MTA1: variants seen among roughly 807,000 people sequenced by gnomAD.
MTA1 encodes metastasis associated 1.
MTA1 carries 15 observed loss-of-function variants against 97.0 expected under a neutral mutation model. The ratio of observed to expected loss-of-function variants is 0.15; its 90% CI spans 0.10 to 0.24. The LOEUF (loss-of-function observed/expected upper bound fraction) is 0.24, where lower values mean the gene tolerates loss of function less well. Among genes scored for constraint, MTA1 ranks in the 10% least tolerant of loss-of-function variants. The pLI is 1.00. For synonymous variants in MTA1, 435 were observed against 417.5 expected (o/e 1.04, Z -0.51); for missense variants, 709 against 1,015.1 (o/e 0.70, Z 4.10).
intron 3 of MTA1, among the ~76,000 whole-genome samples, chr14:105,446,444 C>A (rs1555427194): frequency 6.6e-6 from 1 of 152,198 alleles, no homozygotes; most frequent in Non-Finnish European, 1.5e-5. Flanking sequence ...CTCCCACGAC[C>A]CCTAATGGGG....
intron 1 of MTA1, among the ~76,000 whole-genome samples, chr14:105,426,498 C>G (rs1281304654): frequency 6.6e-6 from 1 of 152,154 alleles, no homozygotes; most frequent in Non-Finnish European, 1.5e-5. Flanking sequence ...AGCAAGGGCG[C>G]AGCGCACGTG....
rs142944586 is a variant in MTA1 at position 105,426,895 on chromosome 14, G to T, written c.28+6832G>T. ...GAGCAGGGGTGCTGGGGGCTTTCCT[G>T]ACCACTGTTGCTGTTTCTCTTGACT... On this transcript the variant is annotated intron_variant, in intron 1 of 20. Transcript: ENST00000331320. Among the ~76,000 whole-genome samples the T allele has an allele frequency of 3.9e-5, 6 of 152,326 alleles. No individual in the cohort carries two copies. The East Asian group carries it at 1.2e-3, about 29-fold the overall frequency.
intron 7 of MTA1, 34 bp from the exon 8 acceptor site, chr14:105,458,236 C>A (rs781885384): frequency 6.3e-7 from 1 of 1,592,232 alleles, no homozygotes; most frequent in East Asian, 2.2e-5. Flanking sequence ...GCCGTGGGAC[C>A]CCGTCTCAGA....
At chr14:105,441,190 C>T (rs930119410) in intron 2 of MTA1, among the ~76,000 whole-genome samples, 2 of 152,208 alleles carry the variant, frequency 1.3e-5, no homozygotes, top group African/African-American at 2.4e-5. Flanking sequence ...GGGCACCAGA[C>T]CCAGGCCAGC....
chr14:105,423,583 AT>A (rs1300060582), intron 1 of MTA1, among the ~76,000 whole-genome samples: 2 of 151,410 alleles, frequency 1.3e-5, no homozygotes, highest in Non-Finnish European at 3.0e-5. Context: ...AAAAAAAAAA[AT>A]TTTAATGTAG....
chr14:105,458,108 T>C (rs1316720036), intron 7 of MTA1, among the ~76,000 whole-genome samples, 162 bp from the exon 8 acceptor site: 1 of 152,040 alleles, frequency 6.6e-6, no homozygotes, highest in African/African-American at 2.4e-5. Flanking sequence ...TGTGCCTGTG[T>C]GTGCAACAGC....
In MTA1 at chr14:105,466,773, G is replaced by A. The variant is rs373779608; in HGVS notation, c.1813+31G>A. 9.5e-5 allele frequency: 148 copies of A among 1,554,256 alleles called. 1 individual carries two copies. Among genetic ancestry groups the A allele is most frequent in the Non-Finnish European group, 1.2e-4 (137 of 1,150,546 alleles). Reference sequence around the variant, plus strand: ...GCCTGGAGCCGCGGGCGGGCGCTGCGCCGGCCCCGCCCGTGATGCCTGTGC... The same window carrying A: ...GCCTGGAGCCGCGGGCGGGCGCTGCACCGGCCCCGCCCGTGATGCCTGTGC... On this transcript the variant is annotated intron_variant, in intron 18 of 20. Coordinates refer to ENST00000331320, the MANE Select transcript of MTA1 (RefSeq NM_004689.4).
rs782441642 is a variant in MTA1 at position 105,445,481 on chromosome 14, A to T, written c.160A>T (p.Thr54Ser). The change falls in exon 3 of 21, where the codon ACC (threonine) becomes TCC (serine). Residue 54 changes from threonine (T) to serine (S), a missense_variant. Physicochemically the swap from Thr to Ser is moderately conservative, Grantham distance 58 (BLOSUM62 1). Around this residue, in one of 2 missense-constraint regions of MTA1, gnomAD observed 321 missense variants for 593.5 expected, o/e 0.54. Coordinates refer to ENST00000331320, the MANE Select transcript of MTA1 (RefSeq NM_004689.4). ...CFYRRRDISSTLIALADKHAT... is the reference protein window; with the variant it reads ...CFYRRRDISSSLIALADKHAT... ...CTACCGGAGGCGGGACATCTCCAGC[A>T]CCCTCATCGCCCTGGCCGACAAGCA... 1.2e-5 allele frequency: 19 copies of T among 1,613,390 alleles called. No homozygotes were observed. Among genetic ancestry groups the T allele is most frequent in the Non-Finnish European group, 1.5e-5 (18 of 1,179,926 alleles).
chr14:105,451,783 G>GTTTTTTTTTTTTTTTTTTTTTTT (rs869240296), intron 6 of MTA1, among the ~76,000 whole-genome samples: 1 of 31,378 alleles, frequency 3.2e-5, no homozygotes, highest in African/African-American at 6.9e-5. Flanking sequence ...TTCTTTTTTT[G>GTTTTTTTTTTTTTTTTTTTTTTT]TTTTTTTTTT....
intron 16 of MTA1, 22 bp from the exon 17 acceptor site, chr14:105,466,404 C>A: frequency 6.3e-7 from 1 of 1,592,282 alleles, no homozygotes; most frequent in Admixed American, 1.7e-5. Flanking sequence ...GCAACTCGTT[C>A]TGCCTGTGTC....
At chr14:105,457,934 T>A (rs1041111557) in intron 7 of MTA1, among the ~76,000 whole-genome samples, 6 of 150,276 alleles carry the variant, frequency 4.0e-5, no homozygotes, top group Admixed American at 1.3e-4. Flanking sequence ...CAAAAAATAA[T>A]AATAATAATA....
At position 105,424,076 on chromosome 14, in the gene MTA1, TC is replaced by T; in HGVS notation, c.28+4016del. On this transcript the variant is annotated intron_variant, in intron 1 of 20. Transcript: ENST00000331320. This position sits in a 1 kb window ranked among gnomAD's most constrained non-coding sequence, Gnocchi z 4.0. Reference sequence around the variant, plus strand: ...TCCTGGAGGGGATGGCATGGGGCTGTCCCACTTGGCCTGTGAGGATCGGCCT... The same window carrying T: ...TCCTGGAGGGGATGGCATGGGGCTGTCCACTTGGCCTGTGAGGATCGGCCT... Among the ~76,000 whole-genome samples, 2 of 152,350 alleles carry T rather than the reference TC, an allele frequency of 1.3e-5. No homozygotes were observed. The highest frequency in any genetic ancestry group is 1.5e-5 in the Non-Finnish European group (1 of 68,034).
chr14:105,433,651 G>A (rs987375350), intron 1 of MTA1, among the ~76,000 whole-genome samples: 18 of 152,168 alleles, frequency 1.2e-4, no homozygotes, highest in Non-Finnish European at 2.4e-4. Context: ...GTACCTGTGT[G>A]GAAAGACAGT....
rs1372136787 is a variant in MTA1, at chr14:105,460,543, C to T, written c.753+86C>T. 5.1e-6 allele frequency: 7 copies of T among 1,359,382 alleles called. No individual in the cohort carries two copies. The Admixed American group carries it at 1.7e-4, about 33-fold the overall frequency. The allele number at this position is 1,359,382 out of a possible 1,614,324, so 84.2% of individuals were successfully genotyped here. On this transcript the variant is annotated intron_variant, in intron 9 of 20. Transcript: ENST00000331320. ...CGCCCTTCTTCCTACCAGGGCCCAGCACCTGCCCCAGGTATTCAGGACCCC... is the reference window on the plus strand; with the variant it reads ...CGCCCTTCTTCCTACCAGGGCCCAGTACCTGCCCCAGGTATTCAGGACCCC...
chr14:105,469,516 T>C lies in MTA1; in HGVS notation c.1845+18T>C. On this transcript the variant is annotated intron_variant, in intron 19 of 20. Transcript: ENST00000331320. ...GGCACATGGTAAGAGGAACAACCCATGATGGGGTACGGTGCGCTCACCCAT... is the reference window on the plus strand; with the variant it reads ...GGCACATGGTAAGAGGAACAACCCACGATGGGGTACGGTGCGCTCACCCAT... The C allele has an allele frequency of 6.2e-7, 1 of 1,612,074 alleles. No homozygotes were observed. Among genetic ancestry groups the C allele is most frequent in the Non-Finnish European group, 8.5e-7 (1 of 1,179,256 alleles).
At position 105,462,830 on chromosome 14, in the gene MTA1, C is replaced by T. The variant is rs190338584; in HGVS notation, c.943-354C>T. Among the ~76,000 whole-genome samples, 29 of 152,334 alleles carry T rather than the reference C, an allele frequency of 1.9e-4. No individual in the cohort carries two copies. The East Asian group carries it at 5.0e-3, about 26-fold the overall frequency. On this transcript the variant is annotated intron_variant, in intron 10 of 20. Coordinates refer to ENST00000331320, the MANE Select transcript of MTA1 (RefSeq NM_004689.4). Reference sequence around the variant, plus strand: ...GTTGCAGCGAGCCGAGATTGTACTACTGCACTCCAGCCTGGGTGACAGAGC... The same window carrying T: ...GTTGCAGCGAGCCGAGATTGTACTATTGCACTCCAGCCTGGGTGACAGAGC...
In MTA1 at chr14:105,420,911, C is replaced by G. The variant is rs1555420729; in HGVS notation, c.28+848C>G. 3.9e-5 allele frequency among the ~76,000 whole-genome samples: 6 copies of G among 152,204 alleles called. No homozygotes were observed. The highest frequency in any genetic ancestry group is 1.5e-5 in the Non-Finnish European group (1 of 68,022). On this transcript the variant is annotated intron_variant, in intron 1 of 20. Coordinates refer to ENST00000331320, the MANE Select transcript of MTA1 (RefSeq NM_004689.4). The surrounding 1 kb of genome is among the most constrained non-coding windows in gnomAD (Gnocchi z 5.3). ...CCCAGGACTCTGAGACCCCTCCCTG[C>G]CTGTGACCCTCTCGGGCAGGTGCTC...
chr14:105,454,146 C>T, intron 6 of MTA1, 47 bp from the exon 7 acceptor site: 2 of 1,467,788 alleles, frequency 1.4e-6, no homozygotes, highest in Non-Finnish European at 1.9e-6. Context: ...ACCCTCCCAG[C>T]AGCCTGACTG....
In MTA1 at chr14:105,469,902, G is replaced by C. The variant is rs782656814; in HGVS notation, c.1907G>C (p.Arg636Pro). 3.1e-6 allele frequency: 5 copies of C among 1,610,918 alleles called. No homozygotes were observed. The highest frequency in any genetic ancestry group is 2.2e-5 in the East Asian group (1 of 44,774). The change falls in exon 20 of 21, where the codon CGG becomes CCG. Residue 636 changes from arginine (R) to proline (P), a missense_variant. Arg to Pro is a moderately radical substitution (Grantham distance 103). Around this residue, in one of 2 missense-constraint regions of MTA1, gnomAD observed 388 missense variants for 421.6 expected, o/e 0.92. Transcript: ENST00000331320. ...KSYPTKVRLI[R>P]GGSLPPVKRR... ...TACCCCACCAAAGTGCGCCTGATCC[G>C]GGGGGGCTCCCTGCCCCCAGTCAAG...
Sources: allele counts gnomAD v4.1 joint callset (sites outside exome capture counted in the v4.1 genomes callset), GRCh38; gene constraint gnomAD v4.1.1; regional missense constraint gnomAD v4.1.1; non-coding constraint Gnocchi (gnomAD v3.1); transcripts MANE v1.5; gene names NCBI Gene and HGNC (gene_info 2026-07-23, HGNC 2026-07-21).